TMEM263: variants seen among roughly 807,000 people sequenced by gnomAD.
TMEM263 encodes transmembrane protein 263, also known as UPF0444 transmembrane protein C12orf23.
Under a neutral mutation model 8.6 loss-of-function variants are expected in TMEM263, and 5 were observed. The observed-to-expected ratio is 0.58, with a 90% CI of 0.31 to 1.23. TMEM263 has a LOEUF of 1.23. TMEM263 is among the 50% of genes most tolerant of loss of function. TMEM263 has a pLI of 0.07. For synonymous variants in TMEM263, 50 were observed against 47.9 expected, an observed-to-expected ratio of 1.04 and a Z score of -0.18; for missense variants, 104 against 138.8, an observed-to-expected ratio of 0.75 and a Z score of 1.26.
At chr12:106,966,989 A>G in intron 2 of TMEM263, 122 bp from the exon 3 acceptor site, 1 of 654,668 alleles carries the variant, frequency 1.5e-6, no homozygotes, top group Non-Finnish European at 2.7e-6. Flanking sequence ...GACTAGTTGT[A>G]TAGTGGGTAC....
Position 106,955,918 on chromosome 12 carries a change from G to A in TMEM263, c.-222G>A. The A allele has an allele frequency of 1.0e-6, 1 of 985,734 alleles. No individual in the cohort carries two copies. Among genetic ancestry groups the A allele is most frequent in the South Asian group, 4.7e-5 (1 of 21,296 alleles). 61.1% of individuals were successfully genotyped at this position (985,734 alleles called of 1,614,324 possible). A position where few individuals can be genotyped will look rare whatever the true frequency, so the allele number is the denominator to read the frequency against. On this transcript the variant is annotated 5_prime_UTR_variant, in exon 1 of 4. Coordinates refer to ENST00000280756, the MANE Select transcript of TMEM263 (RefSeq NM_152261.4). ...CCACCACCGCCGCCACAGTCTTCCA[G>A]CTCCACATCCTGAGAGGACGCCTCT...
intron 2 of TMEM263, among the ~76,000 whole-genome samples, chr12:106,962,636 A>C (rs1951794274): frequency 6.6e-6 from 1 of 152,244 alleles, no homozygotes; most frequent in African/African-American, 2.4e-5. Flanking sequence ...TCTAACTCCA[A>C]CTTTATGCTG....
intron 2 of TMEM263, among the ~76,000 whole-genome samples, chr12:106,966,489 A>C (rs569016159): frequency 1.3e-5 from 2 of 152,308 alleles, no homozygotes; most frequent in Admixed American, 1.3e-4. Flanking sequence ...CCTTTGAGTT[A>C]TATCTAGAAA....
At chr12:106,963,662 C>A (rs1032408597) in intron 2 of TMEM263, among the ~76,000 whole-genome samples, 3 of 152,152 alleles carry the variant, frequency 2.0e-5, no homozygotes, top group African/African-American at 7.2e-5. Flanking sequence ...TAACTCTGCT[C>A]ATGGGTTCTT....
intron 2 of TMEM263, among the ~76,000 whole-genome samples, chr12:106,962,540 C>T (rs755038651): frequency 2.0e-5 from 3 of 152,266 alleles, no homozygotes; most frequent in South Asian, 2.1e-4. Context: ...GGCTGTCAGT[C>T]GGCTTCTCAT....
chr12:106,962,208 G>A (rs996752458), intron 2 of TMEM263, among the ~76,000 whole-genome samples: 1 of 151,798 alleles, frequency 6.6e-6, no homozygotes, highest in Non-Finnish European at 1.5e-5. Flanking sequence ...TAAAACTTAT[G>A]TATTTCTAAC....
Position 106,962,953 on chromosome 12 carries a change from A to C in TMEM263, c.-6-4158A>C, listed in dbSNP as rs534582170. ...AAGCGTTTGTTCTCATGGAGCTTAC[A>C]TTTTAATTGGGAGAGACCCAAAGTA... On this transcript the variant is annotated intron_variant, in intron 2 of 3. Coordinates refer to ENST00000280756, the MANE Select transcript of TMEM263 (RefSeq NM_152261.4). Among the ~76,000 whole-genome samples, 5 of 152,346 alleles carry C rather than the reference A, an allele frequency of 3.3e-5. No individual in the cohort carries two copies. In the East Asian group the frequency reaches 9.6e-4, roughly 29 times the overall value.
intron 2 of TMEM263, among the ~76,000 whole-genome samples, chr12:106,966,484 G>C (rs1434337497): frequency 6.6e-6 from 1 of 152,122 alleles, no homozygotes; most frequent in African/African-American, 2.4e-5. Context: ...ATATTCCTTT[G>C]AGTTATATCT....
intron 2 of TMEM263, 31 bp downstream of exon 2, chr12:106,957,180 G>GT: frequency 1.8e-6 from 1 of 560,560 alleles, no homozygotes; most frequent in Non-Finnish European, 2.0e-6. Context: ...GTGTGTGTGT[G>GT]TGTGTGTGTG....
intron 2 of TMEM263, among the ~76,000 whole-genome samples, chr12:106,957,490 T>C (rs1951716077): frequency 6.6e-6 from 1 of 152,168 alleles, no homozygotes; most frequent in African/African-American, 2.4e-5. Flanking sequence ...AATCTTTACC[T>C]TTGTTTCAGT....
At position 106,971,558 on chromosome 12, in the gene TMEM263, C is replaced by A; in HGVS notation, c.*167C>A. ...TCTAAAAAGAAGAGACCAATACGAG[C>A]ACAGTATATGAAGGTTTCTCATACT... On this transcript the variant is annotated 3_prime_UTR_variant, in exon 4 of 4. Transcript: ENST00000280756. The A allele has an allele frequency of 1.5e-6, 1 of 661,808 alleles. No homozygotes were observed. Among genetic ancestry groups the A allele is most frequent in the Non-Finnish European group, 2.5e-6 (1 of 407,542 alleles). The allele number at this position is 661,808 out of a possible 1,614,324, so 41.0% of individuals were successfully genotyped here.
chr12:106,966,201 C>G (rs976422893), intron 2 of TMEM263, among the ~76,000 whole-genome samples: 11 of 152,138 alleles, frequency 7.2e-5, no homozygotes, highest in Non-Finnish European at 1.5e-4. Context: ...CATGTATACT[C>G]AGTGTTTAGC....
chr12:106,965,471 G>T (rs1951831310), intron 2 of TMEM263, among the ~76,000 whole-genome samples: 1 of 151,666 alleles, frequency 6.6e-6, no homozygotes, highest in Admixed American at 6.6e-5. Flanking sequence ...GCCAGGCATG[G>T]TGATGCACGA....
At chr12:106,968,849 G>C (rs1951879666) in intron 3 of TMEM263, among the ~76,000 whole-genome samples, 1 of 152,228 alleles carries the variant, frequency 6.6e-6, no homozygotes, top group East Asian at 1.9e-4. Context: ...CCTCAAATCA[G>C]GATTTTGCCT....
At chr12:106,964,054 T>G (rs1380037093) in intron 2 of TMEM263, among the ~76,000 whole-genome samples, 2 of 152,308 alleles carry the variant, frequency 1.3e-5, no homozygotes, top group East Asian at 3.9e-4. Flanking sequence ...TCTATGTGTA[T>G]GGTATTAATA....
chr12:106,964,551 G>A (rs1177849652), intron 2 of TMEM263, among the ~76,000 whole-genome samples: 1 of 152,184 alleles, frequency 6.6e-6, no homozygotes, highest in Non-Finnish European at 1.5e-5. Flanking sequence ...ATTCTTACTA[G>A]TTTTTCTGTG....
chr12:106,963,106 G>A (rs769280090), intron 2 of TMEM263, among the ~76,000 whole-genome samples: 1 of 152,194 alleles, frequency 6.6e-6, no homozygotes, highest in Non-Finnish European at 1.5e-5. Flanking sequence ...TGGGGAAAAG[G>A]CTTCGAGGAA....
In TMEM263 at chr12:106,962,242, T is replaced by C. The variant is rs147014496; in HGVS notation, c.-6-4869T>C. Among the ~76,000 whole-genome samples the C allele has an allele frequency of 3.0e-4, 45 of 148,606 alleles. No homozygotes were observed. In the East Asian group the frequency reaches 4.5e-3, roughly 15 times the overall value. ...ACCCCCCCCGCCCCCTGGCAATCTT[T>C]ATTAATACTTCGGCATACTTTCTTC... is the stretch of plus-strand genomic sequence containing the variant. On this transcript the variant is annotated intron_variant, in intron 2 of 3. Coordinates refer to ENST00000280756, the MANE Select transcript of TMEM263 (RefSeq NM_152261.4).
intron 2 of TMEM263, among the ~76,000 whole-genome samples, chr12:106,964,357 A>G (rs1340047249): frequency 6.6e-6 from 1 of 152,154 alleles, no homozygotes; most frequent in Non-Finnish European, 1.5e-5. Flanking sequence ...TGAGATTCAA[A>G]CTCAGGCACT....
Sources: gnomAD v4.1 joint callset for allele counts (sites outside exome capture counted in the v4.1 genomes callset) on GRCh38, gnomAD v4.1.1 for gene constraint, MANE v1.5 for transcripts, NCBI Gene and HGNC (gene_info 2026-07-23, HGNC 2026-07-21) for gene names.